The following WDR7 variants were observed in gnomAD, a reference collection of about 807,000 sequenced individuals.
WDR7 encodes the protein WD repeat domain 7.
A neutral mutation model predicts 169.4 loss-of-function variants in WDR7; 46 were observed. That is an observed-to-expected ratio of 0.27 (90% CI 0.21 to 0.35). The LOEUF is 0.35. Among genes scored for constraint, WDR7 ranks in the 10% least tolerant of loss-of-function variants. The probability of loss-of-function intolerance (pLI) is 1.00; values close to 1 mark genes in which losing one functional copy is unlikely to be tolerated. For missense variants in WDR7, 1,534 were observed against 1,859.3 expected, an observed-to-expected ratio of 0.83 and a Z score of 3.22; for synonymous variants, 612 against 666.8, an observed-to-expected ratio of 0.92 and a Z score of 1.27.
At chr18:56,655,419 G>T (rs36027011) in intron 1 of WDR7, among the ~76,000 whole-genome samples, 53,536 of 151,874 alleles carry the variant, frequency 0.35, 11,336 homozygotes, top group Non-Finnish European at 0.47. Flanking sequence ...GAGCCCAGGA[G>T]TTTGAGACCA....
chr18:56,942,021 G>A (rs978230083), intron 25 of WDR7, among the ~76,000 whole-genome samples: 1 of 152,170 alleles, frequency 6.6e-6, no homozygotes, highest in Non-Finnish European at 1.5e-5. Context: ...CTGGTAGGTG[G>A]AGTTCTTTCC....
intron 20 of WDR7, among the ~76,000 whole-genome samples, chr18:56,827,245 C>T (rs998946786): frequency 6.6e-6 from 1 of 152,164 alleles, no homozygotes; most frequent in African/African-American, 2.4e-5. Flanking sequence ...AGTTACTTGA[C>T]TGTGCTAAGC....
Position 56,668,901 on chromosome 18 carries a change from T to G in WDR7, c.-19-3596T>G, listed in dbSNP as rs909130503. On this transcript the variant is annotated intron_variant, in intron 1 of 27. Transcript: ENST00000254442. ...GTGAAGAAGTAGCAAAATCTGTGTTTTTTTTTTTTTTAAATAATATTTACT... is the reference window on the plus strand; with the variant it reads ...GTGAAGAAGTAGCAAAATCTGTGTTGTTTTTTTTTTTAAATAATATTTACT... Among the ~76,000 whole-genome samples, 3 of 133,752 alleles carry G rather than the reference T, an allele frequency of 2.2e-5. No homozygotes were observed. In the South Asian group the frequency reaches 6.4e-4, roughly 28 times the overall value. The allele number at this position is 133,752 out of a possible 152,430, so 87.7% of individuals were successfully genotyped here.
intron 15 of WDR7, among the ~76,000 whole-genome samples, chr18:56,758,600 G>T (rs2043934392): frequency 6.6e-6 from 1 of 152,138 alleles, no homozygotes; most frequent in African/African-American, 2.4e-5. Context: ...AAAGGGTTAA[G>T]TATGATGTTA....
chr18:56,673,742 G>GA (rs1481222413), intron 2 of WDR7, among the ~76,000 whole-genome samples: 10 of 151,606 alleles, frequency 6.6e-5, no homozygotes, highest in African/African-American at 1.9e-4. Context: ...GGCTGAGGTG[G>GA]AAAAAATCAC....
At chr18:57,014,332 CA>C (rs35192329) in intron 26 of WDR7, among the ~76,000 whole-genome samples, 34,816 of 133,078 alleles carry the variant, frequency 0.26, 4,701 homozygotes, top group Non-Finnish European at 0.32. Context: ...GACTCCATCT[CA>C]AAAAAAAAAA....
chr18:56,909,914 A>T (rs12455664), intron 21 of WDR7, among the ~76,000 whole-genome samples: 107,918 of 152,002 alleles, frequency 0.71, 39,715 homozygotes, highest in East Asian at 0.83. Flanking sequence ...GTATGAGGCA[A>T]CTAATTGCTT....
At chr18:56,884,119 C>T (rs1477781130) in intron 21 of WDR7, among the ~76,000 whole-genome samples, 3 of 152,212 alleles carry the variant, frequency 2.0e-5, no homozygotes, top group Middle Eastern at 3.2e-3. Context: ...TACTAGTTTA[C>T]ATTCCCAACA....
chr18:56,700,029 G>C (rs2025787450), intron 12 of WDR7: 1 of 293,800 alleles, frequency 3.4e-6, no homozygotes, highest in Middle Eastern at 1.7e-3. Context: ...TTTAGTGGCA[G>C]ACTTAAGTGG....
intron 20 of WDR7, among the ~76,000 whole-genome samples, chr18:56,845,121 TTG>T (rs1182102055): frequency 6.6e-6 from 1 of 152,148 alleles, no homozygotes; most frequent in African/African-American, 2.4e-5. Context: ...TATTTTCCTC[TTG>T]TATAGATACA....
intron 13 of WDR7, among the ~76,000 whole-genome samples, chr18:56,729,325 C>A (rs2026531907): frequency 6.6e-6 from 1 of 152,096 alleles, no homozygotes; most frequent in South Asian, 2.1e-4. Context: ...ATATGATATA[C>A]ATTTGTAAAA....
intron 20 of WDR7, among the ~76,000 whole-genome samples, chr18:56,866,239 A>C (rs2045881230): frequency 6.6e-6 from 1 of 152,224 alleles, no homozygotes; most frequent in Admixed American, 6.5e-5. Context: ...TTTTTCTCTA[A>C]AATTTTAAAA....
At chr18:56,913,661 G>T (rs965661574) in intron 21 of WDR7, among the ~76,000 whole-genome samples, 1 of 150,408 alleles carries the variant, frequency 6.6e-6, no homozygotes, top group Non-Finnish European at 1.5e-5. Flanking sequence ...CTGATGTGGT[G>T]GTGTGCACCT....
At chr18:56,660,390 A>G (rs552776338) in intron 1 of WDR7, among the ~76,000 whole-genome samples, 1 of 152,316 alleles carries the variant, frequency 6.6e-6, no homozygotes, top group East Asian at 1.9e-4. Context: ...CATAAACATG[A>G]CACTCCAAAG....
intron 20 of WDR7, among the ~76,000 whole-genome samples, chr18:56,835,403 T>C (rs1426145171): frequency 2.6e-5 from 4 of 152,224 alleles, no homozygotes; most frequent in African/African-American, 4.8e-5. Flanking sequence ...GTATTGTACC[T>C]AACTTATAAG....
At chr18:56,762,796 C>T (rs911653405) in intron 16 of WDR7, among the ~76,000 whole-genome samples, 3 of 151,574 alleles carry the variant, frequency 2.0e-5, no homozygotes, top group African/African-American at 7.3e-5. Context: ...ATTCAGTGTG[C>T]TGTTTTTTGT....
At chr18:56,663,673 A>C (rs1294876942) in intron 1 of WDR7, among the ~76,000 whole-genome samples, 1 of 151,062 alleles carries the variant, frequency 6.6e-6, no homozygotes, top group East Asian at 1.9e-4. Context: ...GCATATATAC[A>C]TATATATATG....
chr18:56,872,366 A>G (rs2045964794), intron 20 of WDR7, among the ~76,000 whole-genome samples: 1 of 152,170 alleles, frequency 6.6e-6, no homozygotes, highest in Admixed American at 6.5e-5. Context: ...AAATGAAGTA[A>G]TCAATACCTC....
chr18:56,876,814 A>G (rs2046029740), intron 20 of WDR7, among the ~76,000 whole-genome samples: 1 of 152,192 alleles, frequency 6.6e-6, no homozygotes, highest in Non-Finnish European at 1.5e-5. Flanking sequence ...TAGAAGGAGA[A>G]ATAATAAAAA....
Sources: gnomAD v4.1 joint callset for allele counts (sites outside exome capture counted in the v4.1 genomes callset) on GRCh38, gnomAD v4.1.1 for gene constraint, MANE v1.5 for transcripts, NCBI Gene and HGNC (gene_info 2026-07-23, HGNC 2026-07-21) for gene names.